Variants in CPHXL2 observed in about 807,000 individuals in gnomAD.
The protein encoded by CPHXL2 is cytoplasmic polyadenylated homeobox-like protein 2.
chr16:75,665,598 C>A, the CPHXL2 span, among the ~76,000 whole-genome samples: 1 of 152,182 alleles, frequency 6.6e-6, no homozygotes, highest in South Asian at 2.1e-4. Context: ...TGCAGTGGCA[C>A]ATGCTTGTAA....
At chr16:75,664,310 C>T in the CPHXL2 span, among the ~76,000 whole-genome samples, 1 of 152,190 alleles carries the variant, frequency 6.6e-6, no homozygotes, top group African/African-American at 2.4e-5. Context: ...TAAGATCTGT[C>T]TCAGATACTT....
At chr16:75,674,633 G>A in the CPHXL2 span, among the ~76,000 whole-genome samples, 1 of 151,966 alleles carries the variant, frequency 6.6e-6, no homozygotes, top group East Asian at 1.9e-4. Flanking sequence ...GCCCCAAATA[G>A]CCAAAATAAT....
chr16:75,662,666 CTT>C, the CPHXL2 span, among the ~76,000 whole-genome samples: 2 of 152,054 alleles, frequency 1.3e-5, no homozygotes, highest in Admixed American at 1.3e-4. Context: ...TTTGTCTAAT[CTT>C]TATTTTTCTC....
chr16:75,662,964 A>G, the CPHXL2 span, among the ~76,000 whole-genome samples: 1 of 151,950 alleles, frequency 6.6e-6, no homozygotes, highest in Non-Finnish European at 1.5e-5. Context: ...AAGCCCGGCT[A>G]ATTTTTTTTG....
At chr16:75,663,885 C>CAAAAAAAAAA in the CPHXL2 span, among the ~76,000 whole-genome samples, 123 of 85,476 alleles carry the variant, frequency 1.4e-3, 1 homozygote, top group Middle Eastern at 6.6e-3. Context: ...GACTCTGTCT[C>CAAAAAAAAAA]AAAAAAAAAA....
the CPHXL2 span, among the ~76,000 whole-genome samples, chr16:75,662,782 T>C: frequency 2.0e-5 from 3 of 150,038 alleles, no homozygotes; most frequent in African/African-American, 7.3e-5. Flanking sequence ...ATGGTTTGAA[T>C]AAGGGAGATA....
chr16:75,668,917 A>G, the CPHXL2 span, among the ~76,000 whole-genome samples: 2 of 152,268 alleles, frequency 1.3e-5, no homozygotes, highest in African/African-American at 2.4e-5. Context: ...GATTAATTGT[A>G]TAGATGTATA....
the CPHXL2 span, chr16:75,669,362 C>G: frequency 7.2e-4 from 290 of 400,176 alleles, 2 homozygotes; most frequent in African/African-American, 5.2e-3. Context: ...GTTGAACTTA[C>G]GTTTATCACG....
chr16:75,667,963 G>C, the CPHXL2 span, among the ~76,000 whole-genome samples: 39 of 151,992 alleles, frequency 2.6e-4, no homozygotes, highest in Non-Finnish European at 5.0e-4. Context: ...AGTAAACTTT[G>C]TCAGCTCCAT....
the CPHXL2 span, among the ~76,000 whole-genome samples, chr16:75,675,049 C>G: frequency 6.6e-6 from 1 of 150,804 alleles, no homozygotes; most frequent in African/African-American, 2.4e-5. Flanking sequence ...ATTAACCAGT[C>G]ATGGTGGTGG....
chr16:75,667,842 C>T, the CPHXL2 span, among the ~76,000 whole-genome samples: 2 of 152,254 alleles, frequency 1.3e-5, no homozygotes, highest in Non-Finnish European at 2.9e-5. Context: ...ACACCTGCCC[C>T]TACCTAGGTC....
the CPHXL2 span, among the ~76,000 whole-genome samples, chr16:75,674,579 G>T: frequency 6.6e-6 from 1 of 152,094 alleles, no homozygotes; most frequent in East Asian, 1.9e-4. Context: ...CTGCTTTGGA[G>T]AAATTGATAA....
chr16:75,666,060 C>T, the CPHXL2 span, among the ~76,000 whole-genome samples: 3 of 152,046 alleles, frequency 2.0e-5, no homozygotes, highest in Admixed American at 2.0e-4. Flanking sequence ...TAAGAACTCA[C>T]ATAAACTTAA....
the CPHXL2 span, among the ~76,000 whole-genome samples, chr16:75,675,227 G>C: frequency 6.6e-6 from 1 of 150,420 alleles, no homozygotes. Flanking sequence ...TCACCATATT[G>C]GTCAGGCTGG....
At chr16:75,671,277 T>C in the CPHXL2 span, among the ~76,000 whole-genome samples, 2 of 151,114 alleles carry the variant, frequency 1.3e-5, no homozygotes, top group African/African-American at 4.9e-5. Flanking sequence ...GGAGCATCGC[T>C]TGAGCCTGGG....
At chr16:75,669,256 C>T in the CPHXL2 span, 6 of 393,946 alleles carry the variant, frequency 1.5e-5, no homozygotes, top group Non-Finnish European at 2.7e-5. Context: ...GTTGAGGCTG[C>T]AGTGAGCCGT....
the CPHXL2 span, among the ~76,000 whole-genome samples, chr16:75,667,331 T>A: frequency 1.0e-4 from 15 of 145,862 alleles, no homozygotes; most frequent in African/African-American, 3.2e-4. Flanking sequence ...AAAAAAAAAA[T>A]TAGAAAAAAA....
chr16:75,671,457 C>T, the CPHXL2 span, among the ~76,000 whole-genome samples: 8 of 151,862 alleles, frequency 5.3e-5, no homozygotes, highest in South Asian at 6.2e-4. Flanking sequence ...GTAACACTAT[C>T]GTGACTCAAA....
the CPHXL2 span, chr16:75,661,085 A>G: frequency 2.5e-3 from 1,012 of 400,802 alleles, 9 homozygotes; most frequent in African/African-American, 0.018. Flanking sequence ...CCCTCTTGGC[A>G]CAGGAAAAAC....
Sources: gnomAD v4.1 joint callset for allele counts (sites outside exome capture counted in the v4.1 genomes callset) on GRCh38, gnomAD v4.1.1 for gene constraint, MANE v1.5 for transcripts, NCBI Gene and HGNC (gene_info 2026-07-23, HGNC 2026-07-21) for gene names.